The following MPDZ variants were observed in gnomAD, a reference collection of about 807,000 sequenced individuals.
MPDZ encodes the protein multiple PDZ domain protein.
A neutral mutation model predicts 239.1 loss-of-function variants in MPDZ; 234 were observed. That is an observed-to-expected ratio of 0.98 (90% CI 0.88 to 1.09). MPDZ has a LOEUF of 1.09. Ranked by LOEUF, MPDZ falls within the 50% of genes least tolerant of loss-of-function variation. The pLI is 0.00. For missense variants in MPDZ, 3,175 were observed against 2,510.0 expected (o/e 1.26, Z -5.66); for synonymous variants, 1,048 against 881.3 (o/e 1.19, Z -3.35).
intron 6 of MPDZ, 108 bp downstream of exon 6, chr9:13,222,125 A>G: frequency 1.3e-6 from 1 of 786,354 alleles, no homozygotes. Context: ...GAATAGTCAG[A>G]CAAAAACTCA....
In MPDZ at chr9:13,119,486, T is replaced by A; in HGVS notation, c.5379+16A>T. 1 of 1,604,106 alleles carries A rather than the reference T, an allele frequency of 6.2e-7. No individual in the cohort carries two copies. Among genetic ancestry groups the A allele is most frequent in the Non-Finnish European group, 8.5e-7 (1 of 1,175,554 alleles). ...CTTCTACGCTATTACACAGAATTAT[T>A]TTTTGCATTTTTTACCTTTAGCAAA... On this transcript the variant is annotated intron_variant, in intron 39 of 46. Coordinates refer to ENST00000319217, the MANE Select transcript of MPDZ (RefSeq NM_001378778.1).
intron 19 of MPDZ, among the ~76,000 whole-genome samples, chr9:13,179,097 G>C (rs1219865142): frequency 6.6e-6 from 1 of 152,006 alleles, no homozygotes; most frequent in Non-Finnish European, 1.5e-5. Flanking sequence ...AGAATTATCA[G>C]ATATTCCTAG....
chr9:13,112,952 A>T lies in MPDZ; in HGVS notation c.5601+59T>A, dbSNP rs1001305639. The T allele has an allele frequency of 2.8e-6, 4 of 1,429,140 alleles. No homozygotes were observed. In the African/African-American group the frequency reaches 5.7e-5, roughly 20 times the overall value. The allele number at this position is 1,429,140 out of a possible 1,614,324, so 88.5% of individuals were successfully genotyped here. On this transcript the variant is annotated intron_variant, in intron 42 of 46. Transcript: ENST00000319217. ...ACCGTAAGAAAGTTAACAAGAAAAC[A>T]CATATGAAGATGTCTCTTAAAACGC...
At position 13,125,324 on chromosome 9, in the gene MPDZ, A is replaced by G; in HGVS notation, c.4699T>C (p.Ser1567Pro). The G allele has an allele frequency of 6.2e-7, 1 of 1,613,846 alleles. No individual in the cohort carries two copies. The highest frequency in any genetic ancestry group is 8.5e-7 in the Non-Finnish European group (1 of 1,179,744). ...KLTIHAENPD[S>P]QAVPSAAGAA... is the part of the protein sequence containing the mutation. ...CCAGCTGCTGAAGGAACAGCCTGGG[A>G]ATCTGGATTCTCAGCATGGATGGTA... The change falls in exon 35 of 47, where the codon TCC becomes CCC. Residue 1567 changes from serine to proline, a missense_variant. Coordinates refer to ENST00000319217, the MANE Select transcript of MPDZ (RefSeq NM_001378778.1).
chr9:13,121,310 G>A (rs994954421), intron 38 of MPDZ, among the ~76,000 whole-genome samples: 1 of 151,890 alleles, frequency 6.6e-6, no homozygotes, highest in Admixed American at 6.6e-5. Flanking sequence ...AATTAAATAG[G>A]GTCACTTGGT....
chr9:13,172,664 G>A (rs1264761063), intron 21 of MPDZ, among the ~76,000 whole-genome samples: 4 of 152,158 alleles, frequency 2.6e-5, no homozygotes, highest in Admixed American at 2.6e-4. Flanking sequence ...TGGGATTACA[G>A]GCGTGAGCCA....
intron 8 of MPDZ, 62 bp downstream of exon 8, chr9:13,219,497 T>A (rs1341802553): frequency 1.4e-6 from 2 of 1,425,032 alleles, no homozygotes; most frequent in African/African-American, 1.4e-5. Context: ...TAAGTAAACA[T>A]CACTGTCGTC....
intron 24 of MPDZ, among the ~76,000 whole-genome samples, chr9:13,155,620 A>T (rs1408565542): frequency 6.6e-6 from 1 of 152,192 alleles, no homozygotes; most frequent in East Asian, 1.9e-4. Context: ...AATCACATGC[A>T]AAATAAAATA....
chr9:13,129,132 C>T (rs756753399), intron 32 of MPDZ, among the ~76,000 whole-genome samples: 6 of 152,236 alleles, frequency 3.9e-5, no homozygotes, highest in East Asian at 1.9e-4. Flanking sequence ...ACAAAAACAA[C>T]TATATACACA....
intron 1 of MPDZ, among the ~76,000 whole-genome samples, chr9:13,260,110 G>A (rs994298784): frequency 8.6e-5 from 13 of 151,996 alleles, no homozygotes; most frequent in African/African-American, 3.1e-4. Flanking sequence ...CCAAAGAGCT[G>A]GGATTATAGG....
Position 13,113,582 on chromosome 9 carries a change from T to C in MPDZ, c.5557+349A>G, listed in dbSNP as rs531229666. On this transcript the variant is annotated intron_variant, in intron 41 of 46. Coordinates refer to ENST00000319217, the MANE Select transcript of MPDZ (RefSeq NM_001378778.1). Reference sequence around the variant, plus strand: ...CATTAATTTTCTCAAATTTTTGCAATCTTCATGGAAAAAGAAGGCTTCACT... The same window carrying C: ...CATTAATTTTCTCAAATTTTTGCAACCTTCATGGAAAAAGAAGGCTTCACT... 8.1e-4 allele frequency among the ~76,000 whole-genome samples: 124 copies of C among 152,216 alleles called. 1 individual carries two copies. The highest frequency in any genetic ancestry group is 2.9e-3 in the African/African-American group (119 of 41,550).
chr9:13,108,897 T>C lies in MPDZ; in HGVS notation c.6066+39A>G, dbSNP rs1208704136. ...AGCTGCTGACCACTATTAATGAATG[T>C]TTAGGGGAAAAGAGGGTGGTTAAAA... On this transcript the variant is annotated intron_variant, in intron 46 of 46. Coordinates refer to ENST00000319217, the MANE Select transcript of MPDZ (RefSeq NM_001378778.1). 10 of 1,600,006 alleles carry C rather than the reference T, an allele frequency of 6.2e-6. No individual in the cohort carries two copies. In the Admixed American group the frequency reaches 1.0e-4, roughly 16 times the overall value.
At chr9:13,191,718 T>C (rs1430254545) in intron 15 of MPDZ, among the ~76,000 whole-genome samples, 7 of 152,214 alleles carry the variant, frequency 4.6e-5, no homozygotes, top group African/African-American at 9.6e-5. Context: ...ACATATGTAC[T>C]ATGTACACAC....
intron 3 of MPDZ, among the ~76,000 whole-genome samples, chr9:13,242,569 A>G (rs529673179): frequency 6.6e-6 from 1 of 152,126 alleles, no homozygotes; most frequent in East Asian, 1.9e-4. Flanking sequence ...AATAATGTAC[A>G]TACTAGAACA....
At chr9:13,156,142 A>G (rs1949784712) in intron 24 of MPDZ, among the ~76,000 whole-genome samples, 1 of 152,206 alleles carries the variant, frequency 6.6e-6, no homozygotes, top group South Asian at 2.1e-4. Flanking sequence ...CACTCTGCTA[A>G]GGATTTTAGA....
At chr9:13,221,021 C>A (rs1434895946) in intron 7 of MPDZ, among the ~76,000 whole-genome samples, 3 of 151,864 alleles carry the variant, frequency 2.0e-5, no homozygotes, top group African/African-American at 7.3e-5. Context: ...TCCCACAATA[C>A]CCTGTGACTA....
chr9:13,133,675 T>G (rs1329961866), intron 32 of MPDZ, 149 bp downstream of exon 32: 4 of 505,600 alleles, frequency 7.9e-6, no homozygotes, highest in Admixed American at 3.2e-5. Context: ...CAGATAAGTT[T>G]GAGTGGGCCC....
chr9:13,117,880 T>G (rs372983513), intron 39 of MPDZ, among the ~76,000 whole-genome samples: 1 of 151,258 alleles, frequency 6.6e-6, no homozygotes, highest in Non-Finnish European at 1.5e-5. Flanking sequence ...GTTTCACTCT[T>G]ATTGCCCAGG....
intron 26 of MPDZ, among the ~76,000 whole-genome samples, chr9:13,144,872 C>T (rs929089425): frequency 5.9e-5 from 9 of 151,964 alleles, no homozygotes; most frequent in African/African-American, 1.7e-4. Flanking sequence ...CATTTATTAA[C>T]GTGGAAGAAA....
Sources: gnomAD v4.1 joint callset for allele counts (sites outside exome capture counted in the v4.1 genomes callset) on GRCh38, gnomAD v4.1.1 for gene constraint, MANE v1.5 for transcripts, NCBI Gene and HGNC (gene_info 2026-07-23, HGNC 2026-07-21) for gene names.